The following DAPP1 variants were observed in gnomAD, a reference collection of about 807,000 sequenced individuals.
The protein encoded by DAPP1 is dual adapter for phosphotyrosine and 3-phosphotyrosine and 3-phosphoinositide.
Under a neutral mutation model 41.5 loss-of-function variants are expected in DAPP1, and 20 were observed. The ratio of observed to expected loss-of-function variants is 0.48; its 90% CI spans 0.34 to 0.70. The LOEUF (loss-of-function observed/expected upper bound fraction) is 0.70. Among genes scored for constraint, DAPP1 ranks in the 30% least tolerant of loss-of-function variants. The pLI is 0.01. For synonymous variants in DAPP1, 113 were observed against 116.2 expected, an observed-to-expected ratio of 0.97 and a Z score of 0.18; for missense variants, 233 against 333.4, an observed-to-expected ratio of 0.70 and a Z score of 2.35.
intron 8 of DAPP1, chr4:99,866,619 G>A (rs772293074): frequency 2.6e-6 from 2 of 765,496 alleles, no homozygotes; most frequent in East Asian, 2.4e-5. Context: ...AGAAGACTGA[G>A]TGAGTACTTA....
chr4:99,862,383 A>G (rs1039162182), intron 5 of DAPP1, among the ~76,000 whole-genome samples: 6 of 152,180 alleles, frequency 3.9e-5, no homozygotes, highest in Non-Finnish European at 8.8e-5. Context: ...GTTTGTATAT[A>G]AGAAGGTAAC....
intron 3 of DAPP1, among the ~76,000 whole-genome samples, chr4:99,841,367 A>G (rs1723491368): frequency 6.6e-6 from 1 of 152,228 alleles, no homozygotes; most frequent in African/African-American, 2.4e-5. Flanking sequence ...AGTATACATG[A>G]AGTGCACAGC....
At chr4:99,824,698 A>G (rs987449304) in intron 1 of DAPP1, among the ~76,000 whole-genome samples, 2 of 152,222 alleles carry the variant, frequency 1.3e-5, no homozygotes, top group African/African-American at 4.8e-5. Flanking sequence ...AAGTTACAAG[A>G]GTAACCATAG....
At chr4:99,827,559 C>CAAAAAAAAAAAAAAAAAAAA in intron 1 of DAPP1, among the ~76,000 whole-genome samples, 1 of 121,114 alleles carries the variant, frequency 8.3e-6, no homozygotes, top group African/African-American at 3.5e-5. Flanking sequence ...AAAAACAAAA[C>CAAAAAAAAAAAAAAAAAAAA]AAAAAACACC....
chr4:99,836,916 T>C (rs1723321327), intron 2 of DAPP1, among the ~76,000 whole-genome samples: 1 of 152,182 alleles, frequency 6.6e-6, no homozygotes, highest in African/African-American at 2.4e-5. Context: ...CTTCATTTTC[T>C]CCTTTCCTCT....
chr4:99,857,551 T>C (rs888827122), intron 4 of DAPP1, among the ~76,000 whole-genome samples: 1 of 152,190 alleles, frequency 6.6e-6, no homozygotes, highest in Non-Finnish European at 1.5e-5. Context: ...TCCGTAATCT[T>C]TGACACATTT....
At chr4:99,840,229 T>G (rs2110147295) in intron 2 of DAPP1, 60 bp from the exon 3 acceptor site, 1 of 1,205,018 alleles carries the variant, frequency 8.3e-7, no homozygotes, top group Non-Finnish European at 1.1e-6. Context: ...GAGATCATAT[T>G]TCCCTTCAAC....
chr4:99,851,394 AC>A (rs941804566), intron 3 of DAPP1, among the ~76,000 whole-genome samples: 107 of 152,234 alleles, frequency 7.0e-4, no homozygotes, highest in African/African-American at 2.4e-3. Flanking sequence ...GAGATCAGAC[AC>A]CCTCTTCTGG....
At chr4:99,840,255 T>C in intron 2 of DAPP1, 34 bp from the exon 3 acceptor site, 1 of 1,368,306 alleles carries the variant, frequency 7.3e-7, no homozygotes, top group South Asian at 1.4e-5. Context: ...ATTTATTTGT[T>C]AAATAATATT....
intron 1 of DAPP1, among the ~76,000 whole-genome samples, chr4:99,822,320 G>A (rs762190327): frequency 1.1e-4 from 17 of 152,162 alleles, no homozygotes; most frequent in Non-Finnish European, 2.1e-4. Context: ...GCAGCATAGA[G>A]GAGACTACAA....
chr4:99,848,294 C>A (rs2110154014), intron 3 of DAPP1, among the ~76,000 whole-genome samples: 1 of 149,464 alleles, frequency 6.7e-6, no homozygotes. Flanking sequence ...GTGGCACGAT[C>A]TCGGCTCACT....
downstream of DAPP1, among the ~76,000 whole-genome samples, chr4:99,870,387 A>C (rs1724605144): frequency 1.3e-5 from 2 of 152,104 alleles, no homozygotes; most frequent in South Asian, 4.1e-4. Context: ...ATAGCAGTAA[A>C]TAAGATCATT....
At chr4:99,822,339 G>C (rs1283077182) in intron 1 of DAPP1, among the ~76,000 whole-genome samples, 3 of 152,128 alleles carry the variant, frequency 2.0e-5, no homozygotes, top group Admixed American at 2.0e-4. Flanking sequence ...AATAAAGAAG[G>C]CATGGCTGTG....
intron 6 of DAPP1, 94 bp from the exon 7 acceptor site, chr4:99,863,676 T>C (rs970293714): frequency 1.3e-6 from 1 of 799,374 alleles, no homozygotes; most frequent in Non-Finnish European, 2.0e-6. Flanking sequence ...TTGCACATAG[T>C]GGAAAACTTG....
intron 3 of DAPP1, among the ~76,000 whole-genome samples, chr4:99,841,744 T>G (rs941332957): frequency 6.6e-6 from 1 of 152,222 alleles, no homozygotes; most frequent in Non-Finnish European, 1.5e-5. Context: ...GTACCTCTAA[T>G]TTTTGTATTT....
intron 3 of DAPP1, among the ~76,000 whole-genome samples, chr4:99,840,724 T>C (rs558326339): frequency 1.3e-5 from 2 of 152,290 alleles, no homozygotes; most frequent in East Asian, 3.9e-4. Flanking sequence ...TATAGGCAGT[T>C]TGCATATGAG....
In DAPP1 at chr4:99,863,007, C is replaced by T. The variant is rs1362092690; in HGVS notation, c.538-3C>T. On this transcript the variant is annotated splice_polypyrimidine_tract_variant and splice_region_variant and intron_variant, in intron 5 of 8. Transcript: ENST00000512369. ...TGTTTGTGTGTGTGTGTGTTTTTCT[C>T]AGACCTGGAAAACAAGATGGTTTAC... is the stretch of plus-strand genomic sequence containing the variant. 18 of 1,587,918 alleles carry T rather than the reference C, an allele frequency of 1.1e-5. No individual in the cohort carries two copies. The highest frequency in any genetic ancestry group is 1.5e-5 in the Non-Finnish European group (17 of 1,171,154).
chr4:99,819,650 A>G (rs1578338309), intron 1 of DAPP1, among the ~76,000 whole-genome samples: 3 of 146,832 alleles, frequency 2.0e-5, no homozygotes, highest in Admixed American at 2.0e-4. Flanking sequence ...AAACAAAATG[A>G]TTTAATGTAA....
chr4:99,868,364 A>T lies in DAPP1; in HGVS notation c.*179A>T. Reference sequence around the variant, plus strand: ...TGCTGACTCACGTTGCTGCCCTTCCATGATGTTGCCATCTCCTTGAGAACA... The same window carrying T: ...TGCTGACTCACGTTGCTGCCCTTCCTTGATGTTGCCATCTCCTTGAGAACA... On this transcript the variant is annotated 3_prime_UTR_variant, in exon 9 of 9. Transcript: ENST00000512369. 1 of 612,244 alleles carries T rather than the reference A, an allele frequency of 1.6e-6. No individual in the cohort carries two copies. The highest frequency in any genetic ancestry group is 1.9e-5 in the South Asian group (1 of 51,464). The allele number at this position is 612,244 out of a possible 1,614,324, so 37.9% of individuals were successfully genotyped here. A position where few individuals can be genotyped will look rare whatever the true frequency, so the allele number is the denominator to read the frequency against.
Sources: allele counts gnomAD v4.1 joint callset (sites outside exome capture counted in the v4.1 genomes callset), GRCh38; gene constraint gnomAD v4.1.1; transcripts MANE v1.5; gene names NCBI Gene and HGNC (gene_info 2026-07-23, HGNC 2026-07-21).